The following SCRG1 variants were observed in gnomAD, a reference collection of about 807,000 sequenced individuals.
SCRG1 encodes scrapie-responsive protein 1.
A neutral mutation model predicts 7.7 loss-of-function variants in SCRG1; 3 were observed. The ratio of observed to expected loss-of-function variants is 0.39; its 90% CI spans 0.18 to 1.01. The LOEUF is 1.01. Ranked by LOEUF, SCRG1 falls within the 50% of genes least tolerant of loss-of-function variation. SCRG1 has a pLI of 0.36. For synonymous variants in SCRG1, 46 were observed against 41.2 expected, an observed-to-expected ratio of 1.12 and a Z score of -0.44; for missense variants, 110 against 117.2, an observed-to-expected ratio of 0.94 and a Z score of 0.28.
chr4:173,506,632 T>A, the SCRG1 span, among the ~76,000 whole-genome samples: 1 of 152,092 alleles, frequency 6.6e-6, no homozygotes, highest in Non-Finnish European at 1.5e-5. The surrounding 1 kb of genome is among the most constrained non-coding windows in gnomAD (Gnocchi z 5.3). Flanking sequence ...CGGGCAGATT[T>A]TATTACTTCT....
chr4:173,485,416 G>A, the SCRG1 span, among the ~76,000 whole-genome samples: 4 of 150,438 alleles, frequency 2.7e-5, no homozygotes, highest in Non-Finnish European at 5.9e-5. Flanking sequence ...ACATGACTGA[G>A]GCTATCTGGG....
chr4:173,485,042 A>C, the SCRG1 span, among the ~76,000 whole-genome samples: 1 of 30,402 alleles, frequency 3.3e-5, no homozygotes, highest in African/African-American at 1.2e-4. Context: ...TATATTATAT[A>C]TTATATAATA....
At chr4:173,446,244 T>C in the SCRG1 span, among the ~76,000 whole-genome samples, 1 of 152,222 alleles carries the variant, frequency 6.6e-6, no homozygotes, top group Non-Finnish European at 1.5e-5. Flanking sequence ...AAAACCATTT[T>C]TGTAATAATA....
chr4:173,485,055 T>TAATATATTATATAA, the SCRG1 span, among the ~76,000 whole-genome samples: 1 of 23,598 alleles, frequency 4.2e-5, no homozygotes, highest in Non-Finnish European at 6.4e-5. Flanking sequence ...ATATAATATA[T>TAATATATTATATAA]TATATATTAT....
chr4:173,409,650 G>T (rs1376253732), upstream of SCRG1, among the ~76,000 whole-genome samples: 2 of 146,560 alleles, frequency 1.4e-5, no homozygotes, highest in Admixed American at 7.0e-5. Context: ...GTGCAATAGC[G>T]CAATCTCAGC....
chr4:173,427,251 T>C, the SCRG1 span, among the ~76,000 whole-genome samples: 2 of 152,226 alleles, frequency 1.3e-5, no homozygotes, highest in Non-Finnish European at 2.9e-5. Context: ...CTATCTGCTG[T>C]CTAGCAGTTC....
At chr4:173,453,859 T>C in the SCRG1 span, among the ~76,000 whole-genome samples, 1 of 152,030 alleles carries the variant, frequency 6.6e-6, no homozygotes, top group Non-Finnish European at 1.5e-5. Context: ...GGTGGATCAC[T>C]GGATGTCAGG....
rs1739299818 is a variant in SCRG1 at position 173,388,284 on chromosome 4, ATGTAG to A, written c.*52_*56del. The A allele has an allele frequency of 1.7e-5, 20 of 1,194,134 alleles. 1 individual carries two copies. In the South Asian group the frequency reaches 2.3e-4, roughly 14 times the overall value. The allele number at this position is 1,194,134 out of a possible 1,614,324, so 74.0% of individuals were successfully genotyped here. A position where few individuals can be genotyped will look rare whatever the true frequency, so the allele number is the denominator to read the frequency against. ...AGAAACTAGAAATGCAGTTATACTG[ATGTAG>A]TGCAGTTTGTGGGAAATCAGGAATG... On this transcript the variant is annotated 3_prime_UTR_variant, in exon 3 of 3. Transcript: ENST00000296506.
At chr4:173,407,575 A>G (rs1425763041), upstream of SCRG1, among the ~76,000 whole-genome samples, 1 of 152,194 alleles carries the variant, frequency 6.6e-6, no homozygotes, top group Non-Finnish European at 1.5e-5. Context: ...AAATATTTGT[A>G]TGCACGTTTT....
chr4:173,385,592 T>C lies in SCRG1; in HGVS notation c.*2749A>G, dbSNP rs1739223424. ...ATTTTGTAATATAAAGAAGGCTGTGTACTTGTATAATGCATTCATTTCTAA... is the reference window on the plus strand; with the variant it reads ...ATTTTGTAATATAAAGAAGGCTGTGCACTTGTATAATGCATTCATTTCTAA... On this transcript the variant is annotated 3_prime_UTR_variant, in exon 3 of 3. Transcript: ENST00000296506. The C allele has an allele frequency of 6.6e-6, 1 of 152,222 alleles. No individual in the cohort carries two copies. The highest frequency in any genetic ancestry group is 6.5e-5 in the Admixed American group (1 of 15,284). 9.4% of individuals were successfully genotyped at this position (152,222 alleles called of 1,614,324 possible).
At chr4:173,435,618 A>G in the SCRG1 span, among the ~76,000 whole-genome samples, 1 of 152,254 alleles carries the variant, frequency 6.6e-6, no homozygotes, top group Admixed American at 6.5e-5. Context: ...GGAAAATGAA[A>G]TAAATATAAG....
the SCRG1 span, among the ~76,000 whole-genome samples, chr4:173,498,907 G>C: frequency 9.9e-5 from 15 of 152,128 alleles, no homozygotes; most frequent in Non-Finnish European, 2.1e-4. Flanking sequence ...TTGCACACAG[G>C]TCTCTGTGTA....
the SCRG1 span, among the ~76,000 whole-genome samples, chr4:173,438,886 G>C: frequency 6.6e-6 from 1 of 152,102 alleles, no homozygotes; most frequent in Non-Finnish European, 1.5e-5. Flanking sequence ...ATAAAACAGA[G>C]ACCGTGTTGG....
At chr4:173,511,399 G>A in the SCRG1 span, among the ~76,000 whole-genome samples, 4 of 152,060 alleles carry the variant, frequency 2.6e-5, no homozygotes, top group African/African-American at 4.8e-5. This position sits in a 1 kb window ranked among gnomAD's most constrained non-coding sequence, Gnocchi z 5.2. Context: ...CTCTTTTCTC[G>A]CCTGGCCTGG....
chr4:173,403,184 G>A (rs147199884), upstream of SCRG1: 6 of 152,246 alleles, frequency 3.9e-5, no homozygotes, highest in Admixed American at 1.3e-4. Flanking sequence ...CTGAGGAATC[G>A]TCAGTAAGGC....
chr4:173,511,025 G>C, the SCRG1 span, among the ~76,000 whole-genome samples: 1 of 152,096 alleles, frequency 6.6e-6, no homozygotes, highest in Admixed American at 6.6e-5. This position sits in a 1 kb window ranked among gnomAD's most constrained non-coding sequence, Gnocchi z 5.2. Flanking sequence ...GGAGTGCAGT[G>C]GCACTATCTC....
chr4:173,462,275 G>A, the SCRG1 span, among the ~76,000 whole-genome samples: 19 of 152,106 alleles, frequency 1.2e-4, 1 homozygote, highest in East Asian at 3.7e-3. Context: ...ACTCCCAAAG[G>A]TCAAGGATAA....
At chr4:173,466,665 T>C in the SCRG1 span, among the ~76,000 whole-genome samples, 3 of 152,198 alleles carry the variant, frequency 2.0e-5, no homozygotes, top group Non-Finnish European at 4.4e-5. Context: ...CTCAGTCTTT[T>C]TTCTGATACT....
intron 1 of SCRG1, among the ~76,000 whole-genome samples, chr4:173,394,501 G>T (rs991162144): frequency 1.3e-5 from 2 of 152,042 alleles, no homozygotes; most frequent in African/African-American, 2.4e-5. Context: ...AAAATTAGCC[G>T]GGCGTGGTGG....
Sources: gnomAD v4.1 joint callset for allele counts (sites outside exome capture counted in the v4.1 genomes callset) on GRCh38, gnomAD v4.1.1 for gene constraint, Gnocchi (gnomAD v3.1) non-coding constraint, MANE v1.5 for transcripts, NCBI Gene and HGNC (gene_info 2026-07-23, HGNC 2026-07-21) for gene names.